Variants in SLC39A4 observed in about 807,000 individuals in gnomAD.
SLC39A4 encodes the protein zinc transporter ZIP4.
SLC39A4 carries 49 observed loss-of-function variants against 56.6 expected under a neutral mutation model. That is an observed-to-expected ratio of 0.87 (90% CI 0.69 to 1.10). The LOEUF is 1.10. Ranked by LOEUF, SLC39A4 falls within the 50% of genes least tolerant of loss-of-function variation. The pLI, the probability that SLC39A4 is intolerant of heterozygous loss-of-function variation, is 0.00. For synonymous variants in SLC39A4, 540 were observed against 420.4 expected, an observed-to-expected ratio of 1.28 and a Z score of -3.48; for missense variants, 993 against 864.2, an observed-to-expected ratio of 1.15 and a Z score of -1.87.
rs1554873905 is a variant in SLC39A4, at chr8:144,416,038, C to A, written c.246G>T (p.Leu82=). 3.2e-6 allele frequency: 5 copies of A among 1,582,004 alleles called. No individual in the cohort carries two copies. The Admixed American group carries it at 7.1e-5, about 22-fold the overall frequency. The change falls in exon 2 of 12, where the codon CTG becomes CTT. Residue 82 remains leucine (L), a synonymous_variant. Coordinates refer to ENST00000301305, the MANE Select transcript of SLC39A4 (RefSeq NM_130849.4). The part of the protein sequence containing the change: ...LGLGEPEGSG[L]PPGPVLEARY... ...TGGCCTCCAGGACCGGGCCCGGGGGCAGCCCTGACCCCTCAGGCTCGCCCA... is the reference window on the plus strand; with the variant it reads ...TGGCCTCCAGGACCGGGCCCGGGGGAAGCCCTGACCCCTCAGGCTCGCCCA...
At position 144,414,810 on chromosome 8, in the gene SLC39A4, G is replaced by A. The variant is rs1454009795; in HGVS notation, c.891C>T (p.Ser297=). Residue 297 remains serine (S), a synonymous_variant, in exon 5 of 12, where the codon AGC becomes AGT. Coordinates refer to ENST00000301305, the MANE Select transcript of SLC39A4 (RefSeq NM_130849.4). The part of the protein sequence containing the change: ...GVTPEAWAQL[S]PALLQQQLSG... ...TCAGCTGCTGTTGGAGCAGGGCAGG[G>A]CTCAGTTGGGCCCAGGCCTCCGGGG... 6.2e-7 allele frequency: 1 copy of A among 1,613,168 alleles called. No individual in the cohort carries two copies. The highest frequency in any genetic ancestry group is 1.3e-5 in the African/African-American group (1 of 75,012).
chr8:144,412,790 C>A lies in SLC39A4; in HGVS notation c.1784G>T (p.Gly595Val), dbSNP rs782809218. Reference protein sequence around the residue: ...SEAWILAVATGLFLYVALCDM... With the variant: ...SEAWILAVATVLFLYVALCDM... ...GCAGAGTGCTACGTAGAGGAACAGGCCGGTGGCCACTGCCAGGATCCAGGC... is the reference window on the plus strand; with the variant it reads ...GCAGAGTGCTACGTAGAGGAACAGGACGGTGGCCACTGCCAGGATCCAGGC... The change falls in exon 11 of 12, where the codon GGC becomes GTC. Residue 595 changes from glycine (G) to valine (V), a missense_variant. Gly to Val is a moderately radical substitution (Grantham distance 109). Transcript: ENST00000301305. 6.2e-6 allele frequency: 10 copies of A among 1,613,142 alleles called. No homozygotes were observed. In the Admixed American group the frequency reaches 1.3e-4, roughly 21 times the overall value.
Position 144,413,367 on chromosome 8 carries a change from C to G in SLC39A4, c.1497G>C (p.Met499Ile). The G allele has an allele frequency of 6.2e-7, 1 of 1,608,618 alleles. No individual in the cohort carries two copies. Among genetic ancestry groups the G allele is most frequent in the African/African-American group, 1.3e-5 (1 of 75,052 alleles). Residue 499 changes from methionine to isoleucine, a missense_variant, in exon 10 of 12, where the codon ATG becomes ATC. By Grantham distance (10) the Met-to-Ile change is conservative (BLOSUM62 1). Transcript: ENST00000301305. ...TGTGCACGGCGTCGCCCAGAGTGAT[C>G]ATATAGGGCAGTAGCCTCAACTCTG... ...LSPELRLLPY[M>I]ITLGDAVHNF... is the part of the protein sequence containing the mutation.
At position 144,412,792 on chromosome 8, in the gene SLC39A4, G is replaced by A. The variant is rs1821936507; in HGVS notation, c.1782C>T (p.Thr594=). 1.2e-6 allele frequency: 2 copies of A among 1,613,112 alleles called. No homozygotes were observed. The highest frequency in any genetic ancestry group is 1.7e-6 in the Non-Finnish European group (2 of 1,179,944). The change falls in exon 11 of 12, where the codon ACC becomes ACT. Residue 594 remains threonine (T), a synonymous_variant. Coordinates refer to ENST00000301305, the MANE Select transcript of SLC39A4 (RefSeq NM_130849.4). The stretch of plus-strand genomic sequence containing the variant: ...AGAGTGCTACGTAGAGGAACAGGCC[G>A]GTGGCCACTGCCAGGATCCAGGCCT... The part of the protein sequence containing the change: ...ESEAWILAVA[T]GLFLYVALCD...
At position 144,415,076 on chromosome 8, in the gene SLC39A4, G is replaced by A. The variant is rs781986599; in HGVS notation, c.702C>T (p.Gly234=). 1.6e-5 allele frequency: 25 copies of A among 1,611,502 alleles called. No individual in the cohort carries two copies. The South Asian group carries it at 2.3e-4, about 15-fold the overall frequency. ...LSALMQRLGV[G]REAHSDHSHR... is the part of the protein sequence containing the mutation. Reference sequence around the variant, plus strand: ...GACTGTGGTCACTGTGGGCCTCCCTGCCCACCCCCAGGCGCTGCATCAAGG... The same window carrying A: ...GACTGTGGTCACTGTGGGCCTCCCTACCCACCCCCAGGCGCTGCATCAAGG... The change falls in exon 4 of 12, where the codon GGC becomes GGT. Residue 234 remains glycine (G), a synonymous_variant. Coordinates refer to ENST00000301305, the MANE Select transcript of SLC39A4 (RefSeq NM_130849.4).
rs1821921647 is a variant in SLC39A4 at position 144,412,571 on chromosome 8, C to A, written c.1911G>T (p.Leu637=). ...GLLGGWTVLL[L]LSLYEDDITF Reference sequence around the variant, plus strand: ...TGATGTCATCCTCGTACAGGGACAGCAGCAGCAGGACGGTCCAGCCGCCCA... The same window carrying A: ...TGATGTCATCCTCGTACAGGGACAGAAGCAGCAGGACGGTCCAGCCGCCCA... The change falls in exon 12 of 12, where the codon CTG becomes CTT. Residue 637 remains leucine (L), a synonymous_variant. Transcript: ENST00000301305. 6.2e-7 allele frequency: 1 copy of A among 1,614,194 alleles called. No individual in the cohort carries two copies. The highest frequency in any genetic ancestry group is 1.7e-5 in the Admixed American group (1 of 60,028).
rs1342534373 is a variant in SLC39A4 at position 144,415,731 on chromosome 8, G to T, written c.474+79C>A. On this transcript the variant is annotated intron_variant, in intron 2 of 11. Transcript: ENST00000301305. ...CCCCAGGCCCCCAGGCTCCCCGAAG[G>T]CTTTGCAGCCAGGCCGGGTCCCATG... is the stretch of plus-strand genomic sequence containing the variant. 11 of 1,464,512 alleles carry T rather than the reference G, an allele frequency of 7.5e-6. No homozygotes were observed. In the African/African-American group the frequency reaches 1.4e-4, roughly 19 times the overall value. 90.7% of individuals were successfully genotyped at this position (1,464,512 alleles called of 1,614,324 possible). A position where few individuals can be genotyped will look rare whatever the true frequency, so the allele number is the denominator to read the frequency against.
In SLC39A4 at chr8:144,413,734, T is replaced by C. The variant is rs782410244; in HGVS notation, c.1419+16A>G. 1 of 1,535,360 alleles carries C rather than the reference T, an allele frequency of 6.5e-7. No homozygotes were observed. The highest frequency in any genetic ancestry group is 2.4e-5 in the East Asian group (1 of 40,954). On this transcript the variant is annotated intron_variant, in intron 8 of 11. Coordinates refer to ENST00000301305, the MANE Select transcript of SLC39A4 (RefSeq NM_130849.4). ...GAGGGGCTCCGCGTGGGATGGGGCA[T>C]CTGGCGCCCACTCACCAGGTCTGCG...
chr8:144,415,929 A>G lies in SLC39A4; in HGVS notation c.355T>C (p.Trp119Arg). The G allele has an allele frequency of 6.3e-7, 1 of 1,596,216 alleles. No individual in the cohort carries two copies. The highest frequency in any genetic ancestry group is 8.5e-7 in the Non-Finnish European group (1 of 1,174,004). ...GTCEDARAGL[W>R]ASHADHLLAL... is the part of the protein sequence containing the mutation. ...AGGAGGTGGTCTGCATGAGAGGCCCAGAGGCCAGCCCGAGCGTCCTCACAG... is the reference window on the plus strand; with the variant it reads ...AGGAGGTGGTCTGCATGAGAGGCCCGGAGGCCAGCCCGAGCGTCCTCACAG... The change falls in exon 2 of 12, where the codon TGG becomes CGG. Residue 119 changes from tryptophan (W) to arginine (R), a missense_variant. Transcript: ENST00000301305.
chr8:144,413,808 A>G lies in SLC39A4; in HGVS notation c.1361T>C (p.Leu454Pro). 1 of 1,572,612 alleles carries G rather than the reference A, an allele frequency of 6.4e-7. No homozygotes were observed. The highest frequency in any genetic ancestry group is 2.3e-5 in the East Asian group (1 of 43,564). Residue 454 changes from leucine to proline, a missense_variant, in exon 8 of 12, where the codon CTG (leucine) becomes CCG (proline). Leu to Pro is a moderately conservative substitution (Grantham distance 98). Transcript: ENST00000301305. Reference protein sequence around the residue: ...GGHSHGVSLQLAPSELRQPKP... With the variant: ...GGHSHGVSLQPAPSELRQPKP... Reference sequence around the variant, plus strand: ...GGGCTGCCGGAGCTCGCTGGGTGCCAGCTGCAGGGACACACCGTGGCTGTG... The same window carrying G: ...GGGCTGCCGGAGCTCGCTGGGTGCCGGCTGCAGGGACACACCGTGGCTGTG...
In SLC39A4 at chr8:144,416,357, C is replaced by T. The variant is rs553196179; in HGVS notation, c.192+241G>A. On this transcript the variant is annotated intron_variant, in intron 1 of 11. Transcript: ENST00000301305. ...CACTGCCAATTTGATGGCAGAGGGC[C>T]GGCAGGGGGAGTTGGCCCTGGGGTC... 1.0e-4 allele frequency: 153 copies of T among 1,460,152 alleles called. 1 individual carries two copies. The Middle Eastern group carries it at 1.7e-3, about 16-fold the overall frequency. 90.4% of individuals were successfully genotyped at this position (1,460,152 alleles called of 1,614,324 possible).
intron 1 of SLC39A4, chr8:144,416,304 C>G: frequency 6.6e-7 from 1 of 1,516,776 alleles, no homozygotes; most frequent in Middle Eastern, 1.7e-4. Flanking sequence ...AACAGTGGTC[C>G]CCCATCCCCA....
At position 144,413,936 on chromosome 8, in the gene SLC39A4, G is replaced by C. The variant is rs736676; in HGVS notation, c.1287+22C>G. On this transcript the variant is annotated intron_variant, in intron 7 of 11. Transcript: ENST00000301305. ...GGCCCCCAGCACACCCACCCGCCGG[G>C]TACCTTCCCAAGAAGCCTGACCTCC... is the stretch of plus-strand genomic sequence containing the variant. 0.47 allele frequency: 756,240 copies of C among 1,609,008 alleles called. 180,929 individuals are homozygous for C. The highest frequency in any genetic ancestry group is 0.55 in the Middle Eastern group (3,313 of 6,030).
Position 144,414,818 on chromosome 8 carries a change from G to C in SLC39A4, c.883C>G (p.Gln295Glu). Residue 295 changes from glutamine (Q) to glutamate (E), a missense_variant, in exon 5 of 12, where the codon CAA (glutamine) becomes GAA (glutamate). Transcript: ENST00000301305. ...QAGVTPEAWAQLSPALLQQQL... is the reference protein window; with the variant it reads ...QAGVTPEAWAELSPALLQQQL... ...TGTTGGAGCAGGGCAGGGCTCAGTT[G>C]GGCCCAGGCCTCCGGGGTCACCCCA... 6.2e-7 allele frequency: 1 copy of C among 1,613,174 alleles called. No individual in the cohort carries two copies. Among genetic ancestry groups the C allele is most frequent in the Non-Finnish European group, 8.5e-7 (1 of 1,179,976 alleles).
In SLC39A4 at chr8:144,413,258, G is replaced by T; in HGVS notation, c.1606C>A (p.His536Asn). 1 of 1,590,832 alleles carries T rather than the reference G, an allele frequency of 6.3e-7. No individual in the cohort carries two copies. The highest frequency in any genetic ancestry group is 8.5e-7 in the Non-Finnish European group (1 of 1,173,114). The change falls in exon 10 of 12, where the codon CAC becomes AAC. Residue 536 changes from histidine to asparagine, a missense_variant. Coordinates refer to ENST00000301305, the MANE Select transcript of SLC39A4 (RefSeq NM_130849.4). ...TCACCCAGCTCGTGTGGCAACTCGT[G>T]GCAGAACACGGCCAGCGAGGTGGCC... is the stretch of plus-strand genomic sequence containing the variant. ...GLATSLAVFC[H>N]ELPHELGDFA... is the part of the protein sequence containing the mutation.
Position 144,415,082 on chromosome 8 carries a change from C to T in SLC39A4, c.696G>A (p.Gly232=), listed in dbSNP as rs782800273. 3 of 1,611,492 alleles carry T rather than the reference C, an allele frequency of 1.9e-6. No homozygotes were observed. The highest frequency in any genetic ancestry group is 2.7e-5 in the African/African-American group (2 of 74,892). Reference sequence around the variant, plus strand: ...GGTCACTGTGGGCCTCCCTGCCCACCCCCAGGCGCTGCATCAAGGCTGACA... The same window carrying T: ...GGTCACTGTGGGCCTCCCTGCCCACTCCCAGGCGCTGCATCAAGGCTGACA... ...AELSALMQRL[G]VGREAHSDHS... is the part of the protein sequence containing the mutation. Residue 232 remains glycine (G), a synonymous_variant, in exon 4 of 12, where the codon GGG becomes GGA. Transcript: ENST00000301305.
rs528153434 is a variant in SLC39A4, at chr8:144,416,733, C to T, written c.57G>A (p.Thr19=). ...GACCAGCAGGCGGGGACGCCGTCGC[C>T]GTCACCACCAGCACAGCCAGAAGCA... ...LGLLLAVLVV[T]ATASPPAGLL... The change falls in exon 1 of 12, where the codon ACG becomes ACA. Residue 19 remains threonine (T), a synonymous_variant. Coordinates refer to ENST00000301305, the MANE Select transcript of SLC39A4 (RefSeq NM_130849.4). 1.9e-5 allele frequency: 30 copies of T among 1,612,524 alleles called. No individual in the cohort carries two copies. Among genetic ancestry groups the T allele is most frequent in the South Asian group, 1.3e-4 (12 of 91,052 alleles).
Position 144,416,055 on chromosome 8 carries a change from G to A in SLC39A4, c.229C>T (p.Pro77Ser). Residue 77 changes from proline to serine, a missense_variant, in exon 2 of 12, where the codon CCT becomes TCT. Coordinates refer to ENST00000301305, the MANE Select transcript of SLC39A4 (RefSeq NM_130849.4). ...CCCGGGGGCAGCCCTGACCCCTCAG[G>A]CTCGCCCAGGCCCAGGGCGTCCTCC... ...SVEDALGLGE[P>S]EGSGLPPGPV... 6.3e-7 allele frequency: 1 copy of A among 1,589,720 alleles called. No homozygotes were observed. Among genetic ancestry groups the A allele is most frequent in the Non-Finnish European group, 8.5e-7 (1 of 1,171,196 alleles).
In SLC39A4 at chr8:144,412,927, C is replaced by G; in HGVS notation, c.1647G>C (p.Leu549=). 1 of 1,604,692 alleles carries G rather than the reference C, an allele frequency of 6.2e-7. No homozygotes were observed. Among genetic ancestry groups the G allele is most frequent in the South Asian group, 1.1e-5 (1 of 90,576 alleles). Residue 549 remains leucine (L), a synonymous_variant, in exon 11 of 12, where the codon CTG becomes CTC. Transcript: ENST00000301305. ...PHELGDFAAL[L]HAGLSVRQAL... ...CTTGGCGCACGGACAGCCCCGCGTG[C>G]AGCAAGGCGGCGAAGTCCCCTGCGG...
Sources: gnomAD v4.1 joint callset for allele counts on GRCh38, gnomAD v4.1.1 for gene constraint, MANE v1.5 for transcripts, NCBI Gene and HGNC (gene_info 2026-07-23, HGNC 2026-07-21) for gene names.